KDM4C: variants seen among roughly 807,000 people sequenced by gnomAD.
The protein encoded by KDM4C is lysine demethylase 4C, also known as lysine-specific demethylase 4C.
In KDM4C, 81 loss-of-function variants were observed where a neutral mutation model predicts 129.3. That is an observed-to-expected ratio of 0.63 (90% confidence interval 0.52 to 0.75). KDM4C has a LOEUF of 0.75. Among genes scored for constraint, KDM4C ranks in the 30% least tolerant of loss-of-function variants. KDM4C has a pLI of 0.00. For missense variants in KDM4C, 1,457 were observed against 1,304.0 expected (o/e 1.12, Z -1.81); for synonymous variants, 573 against 456.1 (o/e 1.26, Z -3.26).
At chr9:6,842,382 G>T (rs1285907666) in intron 4 of KDM4C, among the ~76,000 whole-genome samples, 1 of 142,884 alleles carries the variant, frequency 7.0e-6, no homozygotes, top group Non-Finnish European at 1.5e-5. Flanking sequence ...AGTGGCATGC[G>T]ATCATGGCTC....
upstream of KDM4C, among the ~76,000 whole-genome samples, chr9:6,757,278 A>G (rs2130337138): frequency 6.6e-6 from 1 of 150,940 alleles, no homozygotes; most frequent in African/African-American, 2.4e-5. Context: ...AGGGACCGCC[A>G]GCCCAGGATT....
intron 3 of KDM4C, among the ~76,000 whole-genome samples, chr9:6,813,855 C>A (rs1410839712): frequency 6.6e-6 from 1 of 152,040 alleles, no homozygotes; most frequent in Non-Finnish European, 1.5e-5. Flanking sequence ...CTGATTTATT[C>A]ACTGTGGATA....
chr9:6,845,694 C>A (rs779469038), intron 4 of KDM4C, among the ~76,000 whole-genome samples: 1 of 152,150 alleles, frequency 6.6e-6, no homozygotes, highest in Non-Finnish European at 1.5e-5. Flanking sequence ...GGACAGGCTC[C>A]AACTGGGTAA....
At chr9:6,905,063 A>G (rs968934639) in intron 8 of KDM4C, among the ~76,000 whole-genome samples, 1 of 152,266 alleles carries the variant, frequency 6.6e-6, no homozygotes, top group Non-Finnish European at 1.5e-5. Flanking sequence ...CAGAGAGCAG[A>G]TGGTGCTTAA....
intron 15 of KDM4C, among the ~76,000 whole-genome samples, chr9:7,022,353 T>G (rs1825018545): frequency 6.6e-6 from 1 of 152,170 alleles, no homozygotes; most frequent in Non-Finnish European, 1.5e-5. Context: ...TAGTTTTCAT[T>G]GTAGAGATCT....
At position 6,861,874 on chromosome 9, in the gene KDM4C, C is replaced by T. The variant is rs534270204; in HGVS notation, c.629+12174C>T. On this transcript the variant is annotated intron_variant, in intron 5 of 21. Coordinates refer to ENST00000381309, the MANE Select transcript of KDM4C (RefSeq NM_015061.6). ...GTAACTGCTGCCTCCCAGGTCCAAG[C>T]GATTCTCCTGCCTCAGCCTTCCGAG... is the stretch of plus-strand genomic sequence containing the variant. 7.9e-5 allele frequency among the ~76,000 whole-genome samples: 12 copies of T among 151,656 alleles called. No homozygotes were observed. The South Asian group carries it at 1.7e-3, about 21-fold the overall frequency.
intron 19 of KDM4C, among the ~76,000 whole-genome samples, chr9:7,136,574 G>A (rs1841230289): frequency 6.6e-6 from 1 of 152,194 alleles, no homozygotes; most frequent in Non-Finnish European, 1.5e-5. Flanking sequence ...TTTCCCTATT[G>A]ACTAATGATT....
At chr9:6,974,246 A>T (rs567104610) in intron 8 of KDM4C, among the ~76,000 whole-genome samples, 1 of 152,216 alleles carries the variant, frequency 6.6e-6, no homozygotes, top group Non-Finnish European at 1.5e-5. Context: ...AAATACCTGA[A>T]AGACTCTCTA....
intron 15 of KDM4C, among the ~76,000 whole-genome samples, chr9:7,041,115 G>T (rs1221078248): frequency 1.3e-5 from 2 of 151,618 alleles, no homozygotes; most frequent in Admixed American, 1.3e-4. Flanking sequence ...TCCATGGGTG[G>T]ATATGTGGAT....
intron 8 of KDM4C, among the ~76,000 whole-genome samples, chr9:6,922,678 T>C (rs1255202446): frequency 1.3e-5 from 2 of 152,244 alleles, no homozygotes; most frequent in African/African-American, 4.8e-5. Context: ...GCCTGGGAGA[T>C]TGAGGTTGCA....
chr9:7,059,340 C>T (rs999208675), intron 17 of KDM4C, among the ~76,000 whole-genome samples: 1 of 152,146 alleles, frequency 6.6e-6, no homozygotes, highest in Non-Finnish European at 1.5e-5. Context: ...TGGGTTCAAG[C>T]AGTCCTCCCG....
At position 7,128,216 on chromosome 9, in the gene KDM4C, A is replaced by G; in HGVS notation, c.2761A>G (p.Thr921Ala). Residue 921 changes from threonine (T) to alanine (A), a missense_variant, in exon 19 of 22, where the codon ACA (threonine) becomes GCA (alanine). Physicochemically the swap from Thr to Ala is moderately conservative, Grantham distance 58 (BLOSUM62 0). Coordinates refer to ENST00000381309, the MANE Select transcript of KDM4C (RefSeq NM_015061.6). The stretch of plus-strand genomic sequence containing the variant: ...TGATGATGGCTCCTTTAGCAGAGAC[A>G]CATTTCCTGAGGATATCGTGGTAAG... ...MFDDGSFSRD[T>A]FPEDIVSRDC... is the part of the protein sequence containing the mutation. 2 of 1,600,886 alleles carry G rather than the reference A, an allele frequency of 1.2e-6. No homozygotes were observed. The highest frequency in any genetic ancestry group is 1.7e-6 in the Non-Finnish European group (2 of 1,173,700).
intron 1 of KDM4C, chr9:6,721,053 T>C: frequency 2.8e-6 from 4 of 1,435,638 alleles, no homozygotes; most frequent in Non-Finnish European, 3.8e-6. Flanking sequence ...GGTGGTTCTG[T>C]CACACTTAAA....
At chr9:7,016,132 CTT>C (rs747210107) in intron 15 of KDM4C, among the ~76,000 whole-genome samples, 7 of 144,194 alleles carry the variant, frequency 4.9e-5, no homozygotes, top group Admixed American at 6.9e-5. Context: ...AATTTATTTT[CTT>C]TTTTTTTTTT....
At chr9:6,956,178 G>T (rs1332888245) in intron 8 of KDM4C, among the ~76,000 whole-genome samples, 1 of 152,152 alleles carries the variant, frequency 6.6e-6, no homozygotes, top group Non-Finnish European at 1.5e-5. Context: ...AGATCTACTA[G>T]TTGATACCAC....
chr9:6,919,599 G>A lies in KDM4C; in HGVS notation c.921+26367G>A, dbSNP rs536485964. Among the ~76,000 whole-genome samples, 6 of 147,332 alleles carry A rather than the reference G, an allele frequency of 4.1e-5. No individual in the cohort carries two copies. In the East Asian group the frequency reaches 7.9e-4, roughly 19 times the overall value. On this transcript the variant is annotated intron_variant, in intron 8 of 21. Coordinates refer to ENST00000381309, the MANE Select transcript of KDM4C (RefSeq NM_015061.6). ...TCTATCTATCTATCTATCTAGGATG[G>A]AGTTTCACTCTTGTTGCCCAGGCTG...
At chr9:6,774,084 C>T (rs966422046) in intron 1 of KDM4C, among the ~76,000 whole-genome samples, 7 of 152,124 alleles carry the variant, frequency 4.6e-5, no homozygotes, top group Admixed American at 3.9e-4. Context: ...GACGGGGTTT[C>T]ACCATACTGG....
Position 6,990,438 on chromosome 9 carries a change from C to T in KDM4C, c.1700C>T (p.Thr567Ile), listed in dbSNP as rs771391567. ...TAGATAGCAGAGGGAGAGAACAAAA[C>T]CTCTAAGAGTTGGCGCCATCCACTT... ...VPSIAEGENK[T>I]SKSWRHPLSR... The change falls in exon 12 of 22, where the codon ACC becomes ATC. Residue 567 changes from threonine (T) to isoleucine (I), a missense_variant. Coordinates refer to ENST00000381309, the MANE Select transcript of KDM4C (RefSeq NM_015061.6). 18 of 1,611,990 alleles carry T rather than the reference C, an allele frequency of 1.1e-5. No individual in the cohort carries two copies. Among genetic ancestry groups the T allele is most frequent in the Middle Eastern group, 3.3e-4 (2 of 6,058 alleles).
intron 18 of KDM4C, among the ~76,000 whole-genome samples, chr9:7,117,702 G>A (rs1054403360): frequency 6.7e-6 from 1 of 149,358 alleles, no homozygotes; most frequent in Non-Finnish European, 1.5e-5. Context: ...GGAATATATT[G>A]CTCTTCCTAA....
Sources: gnomAD v4.1 joint callset for allele counts (sites outside exome capture counted in the v4.1 genomes callset) on GRCh38, gnomAD v4.1.1 for gene constraint, MANE v1.5 for transcripts, NCBI Gene and HGNC (gene_info 2026-07-23, HGNC 2026-07-21) for gene names.